The following THAP4 variants were observed in gnomAD, a reference collection of about 807,000 sequenced individuals.
THAP4 encodes peroxynitrite isomerase THAP4.
A neutral mutation model predicts 48.1 loss-of-function variants in THAP4; 18 were observed. That is an observed-to-expected ratio of 0.37 (90% CI 0.26 to 0.56). The LOEUF is 0.56. Among genes scored for constraint, THAP4 ranks in the 20% least tolerant of loss-of-function variants. The pLI is 0.78. For missense variants in THAP4, 656 were observed against 774.9 expected, an observed-to-expected ratio of 0.85 and a Z score of 1.82; for synonymous variants, 345 against 324.9, an observed-to-expected ratio of 1.06 and a Z score of -0.66.
intron 5 of THAP4, among the ~76,000 whole-genome samples, chr2:241,588,243 G>A (rs1386419409): frequency 6.6e-6 from 1 of 152,140 alleles, no homozygotes. Flanking sequence ...TTAACAAAAT[G>A]TGTGCAAAAC....
At chr2:241,606,953 A>G (rs559361577) in intron 2 of THAP4, among the ~76,000 whole-genome samples, 1 of 152,248 alleles carries the variant, frequency 6.6e-6, no homozygotes, top group Admixed American at 6.5e-5. Context: ...CCTGGCGTGA[A>G]GAGTGTGTGA....
chr2:241,607,389 ATTTTC>A (rs982702230), intron 2 of THAP4, among the ~76,000 whole-genome samples: 2 of 151,396 alleles, frequency 1.3e-5, no homozygotes, highest in African/African-American at 4.9e-5. Context: ...GCTCTTACTC[ATTTTC>A]TAAGGGAGAC....
chr2:241,632,887 A>T, intron 2 of THAP4, 30 bp downstream of exon 2: 1 of 1,525,842 alleles, frequency 6.6e-7, no homozygotes, highest in Non-Finnish European at 8.8e-7. Context: ...ACGGGAAGGG[A>T]ACATGGGTAC....
At chr2:241,592,612 G>A (rs2066998603) in intron 5 of THAP4, among the ~76,000 whole-genome samples, 1 of 152,124 alleles carries the variant, frequency 6.6e-6, no homozygotes, top group South Asian at 2.1e-4. Context: ...ACACTCACAC[G>A]TCCCATCCCA....
intron 2 of THAP4, among the ~76,000 whole-genome samples, chr2:241,614,984 C>T (rs1476015280): frequency 6.6e-6 from 1 of 152,126 alleles, no homozygotes; most frequent in East Asian, 1.9e-4. Context: ...TCTAAATGGT[C>T]AAAGAAAGCC....
chr2:241,601,796 G>A lies in THAP4; in HGVS notation c.1614+100C>T. The A allele has an allele frequency of 3.9e-6, 6 of 1,557,626 alleles. No homozygotes were observed. The highest frequency in any genetic ancestry group is 5.2e-6 in the Non-Finnish European group (6 of 1,148,370). On this transcript the variant is annotated intron_variant, in intron 5 of 5. Transcript: ENST00000407315. The surrounding 1 kb of genome is among the most constrained non-coding windows in gnomAD (Gnocchi z 4.0). The stretch of plus-strand genomic sequence containing the variant: ...AGTGAAGACAGGCCTGTGAGACACA[G>A]TGGCAAGACACGCACTACCTCACGG...
intron 3 of THAP4, among the ~76,000 whole-genome samples, chr2:241,604,408 T>C (rs2067154376): frequency 6.6e-6 from 1 of 151,992 alleles, no homozygotes; most frequent in Non-Finnish European, 1.5e-5. Flanking sequence ...TGCGCCACCA[T>C]GCCCGGCTAA....
chr2:241,609,510 G>A (rs547181223), intron 2 of THAP4, among the ~76,000 whole-genome samples: 1 of 152,282 alleles, frequency 6.6e-6, no homozygotes, highest in Non-Finnish European at 1.5e-5. Context: ...TGGGCCGGGC[G>A]CAATGGCTCA....
chr2:241,611,317 C>A (rs560373853), intron 2 of THAP4, among the ~76,000 whole-genome samples: 2 of 149,592 alleles, frequency 1.3e-5, no homozygotes, highest in African/African-American at 4.8e-5. Context: ...GCACCCCACG[C>A]GTCTGCCCAG....
intron 5 of THAP4, chr2:241,585,021 A>G (rs1201843867): frequency 2.9e-6 from 1 of 349,006 alleles, no homozygotes; most frequent in Non-Finnish European, 5.4e-6. Context: ...CTCGGAAGCT[A>G]AGGAGGGTCG....
chr2:241,615,869 G>A (rs568070627), intron 2 of THAP4, among the ~76,000 whole-genome samples: 4 of 152,284 alleles, frequency 2.6e-5, no homozygotes, highest in East Asian at 3.9e-4. Context: ...AGAGCTCTTC[G>A]CCGCCCTCAG....
chr2:241,589,212 C>CAAAA (rs765239066), intron 5 of THAP4, among the ~76,000 whole-genome samples: 46 of 110,866 alleles, frequency 4.1e-4, no homozygotes, highest in African/African-American at 1.6e-3. Context: ...AACAATGTCT[C>CAAAA]AAAAAAAAAA....
In THAP4 at chr2:241,608,251, G is replaced by A. The variant is rs141687930; in HGVS notation, c.1241-1778C>T. 3.2e-4 allele frequency among the ~76,000 whole-genome samples: 48 copies of A among 152,288 alleles called. No homozygotes were observed. In the East Asian group the frequency reaches 7.8e-3, roughly 25 times the overall value. On this transcript the variant is annotated intron_variant, in intron 2 of 5. Transcript: ENST00000407315. ...AGCCCTGGGGCCCAGAGTGAGAACC[G>A]AGGGTGGAGAGCAGGTAATGAGCAC...
chr2:241,584,412 C>A lies in THAP4; in HGVS notation c.*194G>T. 1 of 586,762 alleles carries A rather than the reference C, an allele frequency of 1.7e-6. No homozygotes were observed. Among genetic ancestry groups the A allele is most frequent in the Non-Finnish European group, 3.0e-6 (1 of 332,866 alleles). 36.3% of individuals were successfully genotyped at this position (586,762 alleles called of 1,614,324 possible). ...TACAGCCTACGCAAGTGATAATATT[C>A]AAAATCCTCAGCCATAAAAATAAAG... is the stretch of plus-strand genomic sequence containing the variant. On this transcript the variant is annotated 3_prime_UTR_variant, in exon 6 of 6. Transcript: ENST00000407315.
intron 2 of THAP4, among the ~76,000 whole-genome samples, chr2:241,611,147 A>C (rs1490084021): frequency 6.6e-6 from 1 of 152,132 alleles, no homozygotes; most frequent in African/African-American, 2.4e-5. Context: ...GGAGGACAGG[A>C]GGGGCCTCTG....
At chr2:241,608,455 G>A (rs1007688130) in intron 2 of THAP4, among the ~76,000 whole-genome samples, 6 of 152,340 alleles carry the variant, frequency 3.9e-5, no homozygotes, top group Non-Finnish European at 7.3e-5. Flanking sequence ...TGAAAAGTGG[G>A]AAGGTGAGGA....
At chr2:241,614,564 T>G (rs1334399011) in intron 2 of THAP4, among the ~76,000 whole-genome samples, 1 of 152,218 alleles carries the variant, frequency 6.6e-6, no homozygotes, top group Non-Finnish European at 1.5e-5. Flanking sequence ...TAGTTCTGAC[T>G]GATACATATT....
At chr2:241,587,035 T>C (rs2066903477) in intron 5 of THAP4, among the ~76,000 whole-genome samples, 1 of 152,016 alleles carries the variant, frequency 6.6e-6, no homozygotes, top group Non-Finnish European at 1.5e-5. Context: ...GGCAAGAAAA[T>C]AGAAACTTGA....
At chr2:241,623,053 T>C (rs1244601548) in intron 2 of THAP4, among the ~76,000 whole-genome samples, 5 of 150,858 alleles carry the variant, frequency 3.3e-5, no homozygotes, top group Non-Finnish European at 7.4e-5. Context: ...CCGTCTCTAC[T>C]AAAAATACAA....
Sources: gnomAD v4.1 joint callset for allele counts (sites outside exome capture counted in the v4.1 genomes callset) on GRCh38, gnomAD v4.1.1 for gene constraint, Gnocchi (gnomAD v3.1) non-coding constraint, MANE v1.5 for transcripts, NCBI Gene and HGNC (gene_info 2026-07-23, HGNC 2026-07-21) for gene names.